NPIPB2: variants seen among roughly 807,000 people sequenced by gnomAD.
NPIPB2 encodes the protein nuclear pore complex-interacting protein family member B2.
NPIPB2 carries 27 observed loss-of-function variants against 30.8 expected under a neutral mutation model. That is an observed-to-expected ratio of 0.88 (90% CI 0.65 to 1.21). The LOEUF (loss-of-function observed/expected upper bound fraction) is 1.21. NPIPB2 is among the 50% of genes most tolerant of loss of function. The pLI is 0.00. For synonymous variants in NPIPB2, 147 were observed against 162.0 expected (o/e 0.91, Z 0.70); for missense variants, 440 against 446.2 (o/e 0.99, Z 0.13).
intron 1 of NPIPB2, among the ~76,000 whole-genome samples, chr16:11,975,358 G>A (rs1166792991): frequency 4.0e-5 from 6 of 148,282 alleles, no homozygotes; most frequent in South Asian, 2.2e-4. Context: ...CGTTTTAGCC[G>A]GGATGGTCTC....
In NPIPB2 at chr16:11,962,155, G is replaced by A. The variant is rs151062981; in HGVS notation, c.-584+14413C>T. Among the ~76,000 whole-genome samples, 1,399 of 144,666 alleles carry A rather than the reference G, an allele frequency of 9.7e-3. 28 individuals are homozygous for A. Among genetic ancestry groups the A allele is most frequent in the African/African-American group, 0.033 (1,310 of 39,118 alleles). The allele number at this position is 144,666 out of a possible 152,430, so 94.9% of individuals were successfully genotyped here. ...GGAGGCTGCAGTGAGCCCTGATGGT[G>A]CCACTGCACTCCAGCCTGGGCAATA... On this transcript the variant is annotated intron_variant, in intron 1 of 5. Transcript: ENST00000538896.
chr16:11,976,557 C>T (rs944202237), intron 1 of NPIPB2: 12 of 359,496 alleles, frequency 3.3e-5, no homozygotes, highest in Admixed American at 2.8e-4. Flanking sequence ...CTCGCGGGGT[C>T]TCGGGTTTAC....
chr16:11,958,316 A>C (rs2055128030), intron 1 of NPIPB2, among the ~76,000 whole-genome samples: 1 of 151,676 alleles, frequency 6.6e-6, no homozygotes, highest in South Asian at 2.1e-4. Context: ...AATCCCAGCT[A>C]CTCAGGAAGG....
rs780815996 is a variant in NPIPB2, at chr16:11,967,693, G to A, written c.-584+8875C>T. 7 of 1,614,180 alleles carry A rather than the reference G, an allele frequency of 4.3e-6. No homozygotes were observed. In the South Asian group the frequency reaches 7.7e-5, roughly 18 times the overall value. On this transcript the variant is annotated intron_variant, in intron 1 of 5. Transcript: ENST00000538896. ...TGCACCTGTGAAGACTGCATCAAGA[G>A]CAAACCGAAGGTCGACTCTGACCAT... is the stretch of plus-strand genomic sequence containing the variant.
At chr16:11,933,752 G>A (rs766559224) in intron 3 of NPIPB2, 40 bp from the exon 4 acceptor site, 1 of 1,596,166 alleles carries the variant, frequency 6.3e-7, no homozygotes, top group South Asian at 1.1e-5. Context: ...AGAAACCTGA[G>A]GGCAAGAAGC....
chr16:11,949,226 G>A (rs1413417864), intron 1 of NPIPB2, among the ~76,000 whole-genome samples: 2 of 152,192 alleles, frequency 1.3e-5, no homozygotes, highest in Non-Finnish European at 2.9e-5. Flanking sequence ...AGTAATGACA[G>A]CAATACTTGC....
At chr16:11,975,438 C>A (rs62037671) in intron 1 of NPIPB2, among the ~76,000 whole-genome samples, 3 of 151,908 alleles carry the variant, frequency 2.0e-5, no homozygotes, top group Non-Finnish European at 4.4e-5. Context: ...TGAGCCACCG[C>A]GCCCGGCCAA....
At chr16:11,949,931 C>T (rs181250861) in intron 1 of NPIPB2, among the ~76,000 whole-genome samples, 48 of 152,380 alleles carry the variant, frequency 3.2e-4, no homozygotes, top group Non-Finnish European at 2.9e-4. Flanking sequence ...ATTGCCAACA[C>T]TTGTGCCCCC....
In NPIPB2 at chr16:11,957,592, C is replaced by A. The variant is rs758708612; in HGVS notation, c.-583-15478G>T. Among the ~76,000 whole-genome samples, 4 of 152,152 alleles carry A rather than the reference C, an allele frequency of 2.6e-5. No individual in the cohort carries two copies. In the South Asian group the frequency reaches 8.3e-4, roughly 31 times the overall value. On this transcript the variant is annotated intron_variant, in intron 1 of 5. Coordinates refer to the NPIPB2 transcript ENST00000538896. ...TACAGACCTGAGCCACCGTGCCTGG[C>A]CCTTAAATCAGTAGACTTTGAATAA... is the stretch of plus-strand genomic sequence containing the variant.
At chr16:11,944,512 C>T (rs1458055439), upstream of NPIPB2, among the ~76,000 whole-genome samples, 1 of 151,580 alleles carries the variant, frequency 6.6e-6, no homozygotes, top group African/African-American at 2.4e-5. Context: ...CCTGTAATCC[C>T]AGCACTTTGG....
chr16:11,927,600 G>T (rs200146217), exon 8 of NPIPB2: 771 of 1,607,090 alleles, frequency 4.8e-4, no homozygotes, highest in Non-Finnish European at 6.3e-4. Context: ...GCTAAGGGAG[G>T]TGTCTTGAGA....
Position 11,933,728 on chromosome 16 carries a change from G to A in NPIPB2, c.293-16C>T, listed in dbSNP as rs773529772. On this transcript the variant is annotated splice_polypyrimidine_tract_variant and intron_variant, in intron 3 of 7. Coordinates refer to ENST00000399147, the Ensembl canonical transcript of NPIPB2. ...GACCTCAGCCCTTGGTGAGAGTGAG[G>A]AGAGGAGAAGGTGAGAAACCTGAGG... 1 of 1,596,828 alleles carries A rather than the reference G, an allele frequency of 6.3e-7. No homozygotes were observed. Among genetic ancestry groups the A allele is most frequent in the Non-Finnish European group, 8.5e-7 (1 of 1,179,194 alleles).
intron 1 of NPIPB2, chr16:11,967,661 G>C (rs759841436): frequency 6.2e-7 from 1 of 1,614,060 alleles, no homozygotes; most frequent in Admixed American, 1.7e-5. Flanking sequence ...AGTACACGGT[G>C]GAAGAATGCA....
At chr16:11,938,230 T>A (rs978511867) in intron 1 of NPIPB2, among the ~76,000 whole-genome samples, 2 of 152,172 alleles carry the variant, frequency 1.3e-5, no homozygotes, top group Non-Finnish European at 2.9e-5. Context: ...TGTTGGCCAG[T>A]CTGGCCTTGA....
upstream of NPIPB2, among the ~76,000 whole-genome samples, chr16:11,946,340 G>A (rs9922621): frequency 3.9e-4 from 56 of 142,196 alleles, 1 homozygote; most frequent in South Asian, 3.1e-3. Flanking sequence ...AGCCGAGATC[G>A]TACCGTTGCA....
At chr16:11,939,273 C>T (rs894727666) in intron 1 of NPIPB2, among the ~76,000 whole-genome samples, 5 of 151,450 alleles carry the variant, frequency 3.3e-5, no homozygotes, top group African/African-American at 1.2e-4. Context: ...TAAAAATTAA[C>T]AAGGTGGGCC....
At chr16:11,951,666 A>ACACACACACC (rs1226047972) in intron 1 of NPIPB2, among the ~76,000 whole-genome samples, 4,108 of 138,536 alleles carry the variant, frequency 0.03, 159 homozygotes, top group East Asian at 0.077. Flanking sequence ...ACACACACAC[A>ACACACACACC]CCCAGCCCCC....
chr16:11,943,053 G>T (rs961250555), upstream of NPIPB2, among the ~76,000 whole-genome samples: 46 of 152,266 alleles, frequency 3.0e-4, no homozygotes, highest in Non-Finnish European at 4.8e-4. Context: ...TGGGTGTGAT[G>T]GCTCACGCCT....
At chr16:11,950,066 C>T (rs144725228) in intron 1 of NPIPB2, among the ~76,000 whole-genome samples, 445 of 152,178 alleles carry the variant, frequency 2.9e-3, no homozygotes, top group Non-Finnish European at 5.4e-3. Flanking sequence ...GATGGAGTCT[C>T]GCTCTGTCAC....
Sources: gnomAD v4.1 joint callset for allele counts (sites outside exome capture counted in the v4.1 genomes callset) on GRCh38, gnomAD v4.1.1 for gene constraint, MANE v1.5 for transcripts, NCBI Gene and HGNC (gene_info 2026-07-23, HGNC 2026-07-21) for gene names.